The following DIAPH3 variants were observed in gnomAD, a reference collection of about 807,000 sequenced individuals.
The protein encoded by DIAPH3 is protein diaphanous homolog 3.
DIAPH3 carries 117 observed loss-of-function variants against 144.3 expected under a neutral mutation model. That is an observed-to-expected ratio of 0.81 (90% CI 0.70 to 0.95). DIAPH3 has a LOEUF of 0.95. Ranked by LOEUF, DIAPH3 falls within the 40% of genes least tolerant of loss-of-function variation. The pLI, the probability that DIAPH3 is intolerant of heterozygous loss-of-function variation, is 0.00. For synonymous variants in DIAPH3, 519 were observed against 488.9 expected (o/e 1.06, Z -0.81); for missense variants, 1,421 against 1,412.7 (o/e 1.01, Z -0.09).
rs2059182316 is a variant in DIAPH3, at chr13:60,133,001, A to C, written c.181-12T>G. On this transcript the variant is annotated splice_polypyrimidine_tract_variant and intron_variant, in intron 1 of 27. Transcript: ENST00000400324. Reference sequence around the variant, plus strand: ...CTAATATTTAAATGCTGCAAATTAAAAAAAAGCAATCATATTAGTAATTTA... The same window carrying C: ...CTAATATTTAAATGCTGCAAATTAACAAAAAGCAATCATATTAGTAATTTA... 2 of 1,594,086 alleles carry C rather than the reference A, an allele frequency of 1.3e-6. No individual in the cohort carries two copies. The highest frequency in any genetic ancestry group is 8.6e-7 in the Non-Finnish European group (1 of 1,163,590).
chr13:59,833,259 T>G lies in DIAPH3; in HGVS notation c.2875A>C (p.Ser959Arg). The change falls in exon 24 of 28, where the codon AGT becomes CGT. Residue 959 changes from serine to arginine, a missense_variant. Transcript: ENST00000400324. ...FVTKMSRFVI[S>R]AKEQYETLSK... ...AGTGTCTCATATTGTTCTTTTGCAC[T>G]GATAACAAATCTGTATACTATAGTT... 6.2e-7 allele frequency: 1 copy of G among 1,607,744 alleles called. No individual in the cohort carries two copies. Among genetic ancestry groups the G allele is most frequent in the Non-Finnish European group, 8.5e-7 (1 of 1,176,106 alleles).
chr13:60,089,201 C>G (rs2057849888), intron 4 of DIAPH3, among the ~76,000 whole-genome samples: 1 of 151,946 alleles, frequency 6.6e-6, no homozygotes, highest in South Asian at 2.1e-4. Context: ...TGCACCATCC[C>G]AAAGAGAAAA....
intron 2 of DIAPH3, among the ~76,000 whole-genome samples, chr13:60,115,051 T>C (rs2058667103): frequency 6.6e-6 from 1 of 152,172 alleles, no homozygotes; most frequent in Admixed American, 6.5e-5. Flanking sequence ...ACTGTATTCT[T>C]ACAATAAGTT....
At position 60,114,692 on chromosome 13, in the gene DIAPH3, C is replaced by T. The variant is rs374691929; in HGVS notation, c.214-2506G>A. Among the ~76,000 whole-genome samples the T allele has an allele frequency of 3.5e-3, 526 of 151,392 alleles. 2 individuals are homozygous for T. Among genetic ancestry groups the T allele is most frequent in the African/African-American group, 0.012 (485 of 41,296 alleles). ...ACACACAAACACACACACACACCTA[C>T]CTACCCCTAAGCACTTCATGGTCAA... On this transcript the variant is annotated intron_variant, in intron 2 of 27. Coordinates refer to ENST00000400324, the MANE Select transcript of DIAPH3 (RefSeq NM_001042517.2).
At chr13:60,144,088 C>G (rs981738070) in intron 1 of DIAPH3, among the ~76,000 whole-genome samples, 2 of 152,050 alleles carry the variant, frequency 1.3e-5, no homozygotes, top group African/African-American at 2.4e-5. Flanking sequence ...GTTTGTATGT[C>G]GCAGGTACTA....
At chr13:60,092,120 T>A (rs951917670) in intron 4 of DIAPH3, among the ~76,000 whole-genome samples, 3 of 152,058 alleles carry the variant, frequency 2.0e-5, no homozygotes, top group Non-Finnish European at 2.9e-5. Context: ...TACCTGCCCA[T>A]TTAACTCTGA....
chr13:59,858,031 C>T (rs567729371), intron 22 of DIAPH3, among the ~76,000 whole-genome samples: 3 of 152,104 alleles, frequency 2.0e-5, no homozygotes, highest in African/African-American at 7.2e-5. Flanking sequence ...GATTCTGACA[C>T]CTTTTTGAGA....
intron 27 of DIAPH3, among the ~76,000 whole-genome samples, chr13:59,755,727 A>G (rs555150325): frequency 6.6e-6 from 1 of 152,286 alleles, no homozygotes; most frequent in East Asian, 1.9e-4. Context: ...ACCCCATCTT[A>G]GACCAATTAA....
intron 4 of DIAPH3, among the ~76,000 whole-genome samples, chr13:60,043,157 T>C (rs1316332709): frequency 6.6e-6 from 1 of 152,150 alleles, no homozygotes; most frequent in Non-Finnish European, 1.5e-5. Flanking sequence ...CAAAACTCAA[T>C]ACAAGAACTA....
rs202135165 is a variant in DIAPH3, at chr13:59,729,808, A to ATTTTTTTTTTTTTTTTTTTTTTTT, written c.3319+44380_3319+44381insAAAAAAAAAAAAAAAAAAAAAAAA. Among the ~76,000 whole-genome samples, 5 of 115,184 alleles carry ATTTTTTTTTTTTTTTTTTTTTTTT rather than the reference A, an allele frequency of 4.3e-5. 1 individual carries two copies. Among genetic ancestry groups the ATTTTTTTTTTTTTTTTTTTTTTTT allele is most frequent in the African/African-American group, 7.0e-5 (2 of 28,428 alleles). The allele number at this position is 115,184 out of a possible 152,430, so 75.6% of individuals were successfully genotyped here. ...TTTGTGACTTCCGGTGAATACATTAATATTTTTTTTTTTTTTTTTTTGAGA... is the reference window on the plus strand; with the variant it reads ...TTTGTGACTTCCGGTGAATACATTAATTTTTTTTTTTTTTTTTTTTTTTTTATTTTTTTTTTTTTTTTTTTGAGA... On this transcript the variant is annotated intron_variant, in intron 27 of 27. Transcript: ENST00000400324.
intron 4 of DIAPH3, 78 bp from the exon 5 acceptor site, chr13:60,042,898 TA>T: frequency 6.6e-7 from 1 of 1,504,820 alleles, no homozygotes; most frequent in Non-Finnish European, 9.2e-7. Flanking sequence ...TTAATCTCCC[TA>T]ACAGCAGCAC....
intron 24 of DIAPH3, among the ~76,000 whole-genome samples, chr13:59,829,404 C>T (rs1240056440): frequency 6.6e-6 from 1 of 151,842 alleles, no homozygotes; most frequent in African/African-American, 2.4e-5. Flanking sequence ...ATGGTATAGA[C>T]TGTGGAGCCA....
At chr13:59,995,600 T>C (rs1157741524) in intron 9 of DIAPH3, among the ~76,000 whole-genome samples, 2 of 151,896 alleles carry the variant, frequency 1.3e-5, no homozygotes, top group Non-Finnish European at 2.9e-5. Flanking sequence ...AAGATGGAAA[T>C]TTCTTTGAGA....
In DIAPH3 at chr13:60,140,087, C is replaced by T. The variant is rs1408898026; in HGVS notation, c.181-7098G>A. ...CTCCCAGAGTCACCTTGAAGCTTAT[C>T]GCAACTACTAAATTACTTCTGAGAG... On this transcript the variant is annotated intron_variant, in intron 1 of 27. Coordinates refer to ENST00000400324, the MANE Select transcript of DIAPH3 (RefSeq NM_001042517.2). Among the ~76,000 whole-genome samples the T allele has an allele frequency of 3.3e-5, 5 of 152,162 alleles. No individual in the cohort carries two copies. In the East Asian group the frequency reaches 5.8e-4, roughly 18 times the overall value.
intron 3 of DIAPH3, among the ~76,000 whole-genome samples, chr13:60,106,673 A>G (rs1031313914): frequency 6.6e-6 from 1 of 152,310 alleles, no homozygotes; most frequent in Non-Finnish European, 1.5e-5. Context: ...CTACAAATCA[A>G]TATGAAAAAG....
chr13:60,126,144 C>A (rs765611821), intron 2 of DIAPH3, among the ~76,000 whole-genome samples: 3 of 151,810 alleles, frequency 2.0e-5, no homozygotes, highest in Non-Finnish European at 4.4e-5. Context: ...ACACTACATA[C>A]CGAGGGAAAG....
intron 22 of DIAPH3, among the ~76,000 whole-genome samples, chr13:59,842,221 T>G (rs1174651220): frequency 6.6e-6 from 1 of 152,014 alleles, no homozygotes; most frequent in Non-Finnish European, 1.5e-5. Context: ...TATGTATTTA[T>G]TTTTAAGTAC....
intron 24 of DIAPH3, among the ~76,000 whole-genome samples, chr13:59,820,163 G>A (rs1239972533): frequency 6.6e-6 from 1 of 151,874 alleles, no homozygotes; most frequent in East Asian, 1.9e-4. Flanking sequence ...AATTATATAT[G>A]CTTCCATCAA....
At chr13:59,845,595 C>T (rs1374128708) in intron 22 of DIAPH3, among the ~76,000 whole-genome samples, 3 of 152,160 alleles carry the variant, frequency 2.0e-5, no homozygotes, top group Non-Finnish European at 4.4e-5. Flanking sequence ...ATACATACTG[C>T]TTATAGTTCC....
Sources: allele counts gnomAD v4.1 joint callset (sites outside exome capture counted in the v4.1 genomes callset), GRCh38; gene constraint gnomAD v4.1.1; transcripts MANE v1.5; gene names NCBI Gene and HGNC (gene_info 2026-07-23, HGNC 2026-07-21).